DOCK4: variants seen among roughly 807,000 people sequenced by gnomAD.
DOCK4 encodes the protein dedicator of cytokinesis 4, also known as dedicator of cytokinesis protein 4.
In DOCK4, 97 loss-of-function variants were observed where a neutral mutation model predicts 268.1. The ratio of observed to expected loss-of-function variants is 0.36; its 90% confidence interval spans 0.31 to 0.43. The LOEUF is 0.43. DOCK4 is among the 20% of genes least tolerant of loss of function. The pLI, the probability that DOCK4 is intolerant of heterozygous loss-of-function variation, is 1.00. For synonymous variants in DOCK4, 954 were observed against 887.2 expected (o/e 1.08, Z -1.34); for missense variants, 2,145 against 2,455.7 (o/e 0.87, Z 2.67).
chr7:111,783,974 G>C (rs1798977080), intron 33 of DOCK4, 22 bp from the exon 34 acceptor site: 2 of 1,581,102 alleles, frequency 1.3e-6, no homozygotes, highest in African/African-American at 2.7e-5. Flanking sequence ...AGAACCCGGG[G>C]CATTTTCAAC....
chr7:112,116,457 G>A (rs915532400), intron 1 of DOCK4, among the ~76,000 whole-genome samples: 2 of 152,074 alleles, frequency 1.3e-5, no homozygotes, highest in African/African-American at 2.4e-5. Flanking sequence ...CTCACCTTAC[G>A]ATCATACATC....
At chr7:112,092,311 C>T (rs116923970) in intron 1 of DOCK4, among the ~76,000 whole-genome samples, 3,549 of 152,268 alleles carry the variant, frequency 0.023, 63 homozygotes, top group Non-Finnish European at 0.037. Context: ...GTTCCTACCA[C>T]GCATTAAGCA....
chr7:111,751,996 A>G lies in DOCK4; in HGVS notation c.4416+3519T>C, dbSNP rs1200430219. Among the ~76,000 whole-genome samples, 3 of 152,310 alleles carry G rather than the reference A, an allele frequency of 2.0e-5. No homozygotes were observed. The East Asian group carries it at 5.8e-4, about 29-fold the overall frequency. ...GCTGGTCTAAAATGCAGAATAAAAG[A>G]CTTGGTAAAGTGTGGAATGAACACT... On this transcript the variant is annotated intron_variant, in intron 42 of 52. Coordinates refer to ENST00000428084, the MANE Select transcript of DOCK4 (RefSeq NM_001363540.2).
chr7:112,018,022 TAAAAAA>T (rs988495601), intron 1 of DOCK4, among the ~76,000 whole-genome samples: 2 of 150,142 alleles, frequency 1.3e-5, no homozygotes, highest in Non-Finnish European at 3.0e-5. Flanking sequence ...CCGTCTCTAC[TAAAAAA>T]AATACAAAAA....
At chr7:111,774,021 AAAAAG>A (rs201112690) in intron 36 of DOCK4, among the ~76,000 whole-genome samples, 7 of 151,890 alleles carry the variant, frequency 4.6e-5, no homozygotes, top group African/African-American at 9.7e-5. Context: ...TGTCTCAAAA[AAAAAG>A]AAAAGAAAAG....
intron 1 of DOCK4, among the ~76,000 whole-genome samples, chr7:112,070,056 G>A (rs371990907): frequency 1.3e-5 from 2 of 152,142 alleles, no homozygotes; most frequent in Admixed American, 6.6e-5. Context: ...GAGCAGTCAA[G>A]GATGAGAATC....
chr7:112,066,704 TATATA>T (rs1323370870), intron 1 of DOCK4, among the ~76,000 whole-genome samples: 1 of 52,082 alleles, frequency 1.9e-5, no homozygotes, highest in African/African-American at 6.5e-5. Context: ...TATATATATA[TATATA>T]TATATATATA....
At chr7:111,753,840 A>G (rs1329390890) in intron 42 of DOCK4, among the ~76,000 whole-genome samples, 5 of 152,254 alleles carry the variant, frequency 3.3e-5, no homozygotes, top group African/African-American at 1.2e-4. Flanking sequence ...TTCAGGGAAC[A>G]AAACAGCTGA....
chr7:111,868,320 C>G (rs544291463), intron 21 of DOCK4, among the ~76,000 whole-genome samples, 166 bp from the exon 22 acceptor site: 4 of 152,184 alleles, frequency 2.6e-5, no homozygotes, highest in East Asian at 1.9e-4. Flanking sequence ...TAAGGGGGAA[C>G]AGCCACTTTT....
At chr7:111,810,684 T>G (rs1483222188) in intron 28 of DOCK4, among the ~76,000 whole-genome samples, 1 of 151,992 alleles carries the variant, frequency 6.6e-6, no homozygotes, top group African/African-American at 2.4e-5. Context: ...ACAATTCCAC[T>G]AATAAATATT....
At chr7:112,000,661 G>A (rs1800347837) in intron 2 of DOCK4, 127 bp from the exon 3 acceptor site, 1 of 618,080 alleles carries the variant, frequency 1.6e-6, no homozygotes, top group Non-Finnish European at 2.7e-6. Context: ...GATAAATATG[G>A]TAGGTATTGG....
intron 1 of DOCK4, among the ~76,000 whole-genome samples, chr7:112,116,776 T>G (rs1387252247): frequency 6.6e-6 from 1 of 152,222 alleles, no homozygotes; most frequent in African/African-American, 2.4e-5. Flanking sequence ...TCTTTTCTCT[T>G]TTTTGTAGAG....
At chr7:111,866,543 T>C (rs1805989735) in intron 22 of DOCK4, among the ~76,000 whole-genome samples, 1 of 152,200 alleles carries the variant, frequency 6.6e-6, no homozygotes, top group African/African-American at 2.4e-5. Context: ...TGCTGTGGGA[T>C]AGAGCTCAGA....
rs1795739902 is a variant in DOCK4 at position 111,739,419 on chromosome 7, C to T, written c.5099G>A (p.Ser1700Asn). 5 of 1,585,392 alleles carry T rather than the reference C, an allele frequency of 3.2e-6. No individual in the cohort carries two copies. The highest frequency in any genetic ancestry group is 1.7e-4 in the Middle Eastern group (1 of 6,052). Residue 1700 changes from serine to asparagine, a missense_variant, in exon 48 of 53, where the codon AGT becomes AAT. Around this residue, in one of 2 missense-constraint regions of DOCK4, gnomAD observed 547 missense variants for 469.0 expected, o/e 1.17. Transcript: ENST00000428084. ...ACCTCTGGCACTCGATGGAGCAGAA[C>T]TTGTCACATTAGGTGAAGCCGAGTG... ...STHSASPNVTSSAPSSARASP... is the reference protein window; with the variant it reads ...STHSASPNVTNSAPSSARASP...
At chr7:111,856,554 C>T (rs1805030350) in intron 23 of DOCK4, among the ~76,000 whole-genome samples, 1 of 152,152 alleles carries the variant, frequency 6.6e-6, no homozygotes. Flanking sequence ...AAACAGAAAA[C>T]CCAAAATCAT....
In DOCK4 at chr7:111,868,225, TA is replaced by T; in HGVS notation, c.2110-72del. On this transcript the variant is annotated intron_variant, in intron 21 of 52. Coordinates refer to ENST00000428084, the MANE Select transcript of DOCK4 (RefSeq NM_001363540.2). ...GTATTTATTTAGCAATGACACGGCA[TA>T]AAAACCATGGTATGGCATTAAACTT... is the stretch of plus-strand genomic sequence containing the variant. 4 of 1,217,674 alleles carry T rather than the reference TA, an allele frequency of 3.3e-6. No individual in the cohort carries two copies. The Admixed American group carries it at 1.1e-4, about 34-fold the overall frequency. 75.4% of individuals were successfully genotyped at this position (1,217,674 alleles called of 1,614,324 possible).
At chr7:111,744,089 G>C (rs1796109857) in intron 44 of DOCK4, among the ~76,000 whole-genome samples, 1 of 152,144 alleles carries the variant, frequency 6.6e-6, no homozygotes, top group Non-Finnish European at 1.5e-5. Flanking sequence ...GACCTTTAAT[G>C]GTCTGTCAAA....
At chr7:112,144,989 C>T (rs947759643) in intron 1 of DOCK4, among the ~76,000 whole-genome samples, 3 of 152,138 alleles carry the variant, frequency 2.0e-5, no homozygotes, top group African/African-American at 7.2e-5. Context: ...AAGTACTACA[C>T]TTAAGCTATA....
chr7:111,970,309 G>C (rs1352180265), intron 8 of DOCK4, among the ~76,000 whole-genome samples: 1 of 150,352 alleles, frequency 6.7e-6, no homozygotes, highest in Non-Finnish European at 1.5e-5. Flanking sequence ...ATGACCTTGG[G>C]CAAGTTATTA....
Sources: allele counts gnomAD v4.1 joint callset (sites outside exome capture counted in the v4.1 genomes callset), GRCh38; gene constraint gnomAD v4.1.1; regional missense constraint gnomAD v4.1.1; transcripts MANE v1.5; gene names NCBI Gene and HGNC (gene_info 2026-07-23, HGNC 2026-07-21).